CAPN3: variants seen among roughly 807,000 people sequenced by gnomAD.
CAPN3 encodes the protein calpain 3.
A neutral mutation model predicts 114.0 loss-of-function variants in CAPN3; 88 were observed. That is an observed-to-expected ratio of 0.77 (90% CI 0.65 to 0.92). CAPN3 has a LOEUF of 0.92. Ranked by LOEUF, CAPN3 falls within the 40% of genes least tolerant of loss-of-function variation. The probability of loss-of-function intolerance (pLI) is 0.00; values close to 1 mark genes in which losing one functional copy is unlikely to be tolerated. For synonymous variants in CAPN3, 386 were observed against 382.9 expected, an observed-to-expected ratio of 1.01 and a Z score of -0.09; for missense variants, 1,028 against 1,069.0, an observed-to-expected ratio of 0.96 and a Z score of 0.53.
intron 9 of CAPN3, among the ~76,000 whole-genome samples, chr15:42,398,628 C>G (rs1023151024): frequency 7.6e-6 from 1 of 131,972 alleles, no homozygotes; most frequent in African/African-American, 3.7e-5. Context: ...CACACACACA[C>G]ACACACATAT....
rs776496230 is a variant in CAPN3, at chr15:42,402,948, A to G, written c.1691A>G (p.His564Arg). The G allele has an allele frequency of 6.2e-7, 1 of 1,614,122 alleles. No homozygotes were observed. The change falls in exon 13 of 24, where the codon CAC becomes CGC. Residue 564 changes from histidine (H) to arginine (R), a missense_variant. His to Arg is a conservative substitution (Grantham distance 29). Coordinates refer to ENST00000397163, the MANE Select transcript of CAPN3 (RefSeq NM_000070.3). ...YVIVPSTYEPHQEGEFILRVF... is the reference protein window; with the variant it reads ...YVIVPSTYEPRQEGEFILRVF... ...ATCGTGCCCTCCACCTACGAGCCCC[A>G]CCAGGAGGGGGAATTCATCCTCCGG...
At chr15:42,391,130 G>A (rs2053544577) in intron 6 of CAPN3, among the ~76,000 whole-genome samples, 1 of 152,010 alleles carries the variant, frequency 6.6e-6, no homozygotes, top group African/African-American at 2.4e-5. Flanking sequence ...GTATTCTCCT[G>A]TAACATTTTT....
rs559361869 is a variant in CAPN3 at position 42,401,476 on chromosome 15, C to G, written c.1355-165C>G. On this transcript the variant is annotated intron_variant, in intron 10 of 23. Coordinates refer to ENST00000397163, the MANE Select transcript of CAPN3 (RefSeq NM_000070.3). Reference sequence around the variant, plus strand: ...GCTCCATCTGAATAAAGGTAGCGCCCCCCCCCCCCCCAAATCATTAGAGAA... The same window carrying G: ...GCTCCATCTGAATAAAGGTAGCGCCGCCCCCCCCCCCAAATCATTAGAGAA... Among the ~76,000 whole-genome samples, 6,435 of 104,980 alleles carry G rather than the reference C, an allele frequency of 0.061. 699 individuals are homozygous for G. Among genetic ancestry groups the G allele is most frequent in the African/African-American group, 0.2 (5,545 of 28,390 alleles). 68.9% of individuals were successfully genotyped at this position (104,980 alleles called of 152,430 possible). A position where few individuals can be genotyped will look rare whatever the true frequency, so the allele number is the denominator to read the frequency against.
At chr15:42,379,699 C>T (rs76684467) in intron 1 of CAPN3, among the ~76,000 whole-genome samples, 2,227 of 152,306 alleles carry the variant, frequency 0.015, 56 homozygotes, top group African/African-American at 0.051. Flanking sequence ...TAATGCCTCT[C>T]CTTATCTCTG....
At chr15:42,405,969 AGTGT>A in intron 15 of CAPN3, 26 bp downstream of exon 15, 1 of 1,601,806 alleles carries the variant, frequency 6.2e-7, no homozygotes, top group Non-Finnish European at 8.6e-7. Context: ...GAGAGCATGA[AGTGT>A]GTGTACTCAT....
At chr15:42,411,495 GCT>G in intron 23 of CAPN3, 150 bp downstream of exon 23, 1 of 842,436 alleles carries the variant, frequency 1.2e-6, no homozygotes. Context: ...GGCTCAGCAG[GCT>G]CCCAGGACAC....
intron 14 of CAPN3, among the ~76,000 whole-genome samples, chr15:42,405,363 T>G (rs2053988504): frequency 6.6e-6 from 1 of 152,164 alleles, no homozygotes; most frequent in Admixed American, 6.5e-5. Flanking sequence ...CAGGCTGGAG[T>G]GCAATGGCAT....
intron 1 of CAPN3, among the ~76,000 whole-genome samples, chr15:42,369,460 C>G (rs1024669536): frequency 1.3e-5 from 2 of 151,882 alleles, no homozygotes; most frequent in African/African-American, 4.8e-5. Flanking sequence ...CAAAATTGCG[C>G]CACTGCATTC....
At chr15:42,405,969 A>AGT in intron 15 of CAPN3, 26 bp downstream of exon 15, 1 of 1,601,806 alleles carries the variant, frequency 6.2e-7, no homozygotes, top group Non-Finnish European at 8.6e-7. Flanking sequence ...GAGAGCATGA[A>AGT]GTGTGTGTAC....
In CAPN3 at chr15:42,390,003, G is replaced by A; in HGVS notation, c.852G>A (p.Gly284=). 1 of 1,614,088 alleles carries A rather than the reference G, an allele frequency of 6.2e-7. No individual in the cohort carries two copies. Residue 284 remains glycine (G), a synonymous_variant, in exon 6 of 24, where the codon GGG becomes GGA. Transcript: ENST00000397163. ...YGTSPSGLNM[G]ELIARMVRNM... is the part of the protein sequence containing the mutation. ...CCTCTCCTTCTGGTCTGAACATGGG[G>A]GAGTTGATTGCACGGATGGTAAGGA...
At chr15:42,397,009 C>A in intron 9 of CAPN3, 132 bp downstream of exon 9, 1 of 704,874 alleles carries the variant, frequency 1.4e-6, no homozygotes, top group East Asian at 2.7e-5. Context: ...TCCTCCAGCC[C>A]AAGGCCCAGC....
In CAPN3 at chr15:42,410,464, C is replaced by T. The variant is rs1595846976; in HGVS notation, c.2152C>T (p.His718Tyr). The T allele has an allele frequency of 2.5e-6, 4 of 1,614,010 alleles. No homozygotes were observed. The highest frequency in any genetic ancestry group is 1.7e-5 in the Admixed American group (1 of 59,990). Residue 718 changes from histidine to tyrosine, a missense_variant, in exon 20 of 24, where the codon CAC becomes TAC. His to Tyr is a moderately conservative substitution (Grantham distance 83, BLOSUM62 2). Transcript: ENST00000397163. ...TGGAAAGCTCAACCTGCAGGAGTTC[C>T]ACCACCTCTGGAACAAGATTAAGGC... Reference protein sequence around the residue: ...GSGKLNLQEFHHLWNKIKAWQ... With the variant: ...GSGKLNLQEFYHLWNKIKAWQ...
At chr15:42,399,913 T>C (rs1318330334) in intron 10 of CAPN3, among the ~76,000 whole-genome samples, 3 of 152,158 alleles carry the variant, frequency 2.0e-5, no homozygotes, top group African/African-American at 7.2e-5. Flanking sequence ...CCATCCATCT[T>C]TGAAAATACC....
intron 1 of CAPN3, among the ~76,000 whole-genome samples, chr15:42,361,924 C>T (rs1380773914): frequency 1.3e-5 from 2 of 152,240 alleles, no homozygotes; most frequent in Non-Finnish European, 2.9e-5. Context: ...GTGTCACTTC[C>T]TTCAATCTTT....
rs1174655412 is a variant in CAPN3, at chr15:42,388,914, A to T, written c.633-14A>T. ...ACTCTGTGACCCCAAATTGGTCTTC[A>T]TCCTCTCTCTAAGGCTCCATGGTTC... is the stretch of plus-strand genomic sequence containing the variant. On this transcript the variant is annotated splice_polypyrimidine_tract_variant and intron_variant, in intron 4 of 23. Coordinates refer to ENST00000397163, the MANE Select transcript of CAPN3 (RefSeq NM_000070.3). The T allele has an allele frequency of 2.5e-6, 4 of 1,613,558 alleles. No individual in the cohort carries two copies. Among genetic ancestry groups the T allele is most frequent in the Middle Eastern group, 1.8e-4 (1 of 5,678 alleles).
intron 14 of CAPN3, chr15:42,404,905 G>C (rs778427279): frequency 2.0e-6 from 2 of 1,020,062 alleles, no homozygotes; most frequent in African/African-American, 3.4e-5. Flanking sequence ...TCGGTGTGCA[G>C]TATTGATCAG....
intron 5 of CAPN3, 92 bp downstream of exon 5, chr15:42,389,188 A>ACAGAG (rs1164603859): frequency 8.1e-7 from 1 of 1,234,198 alleles, no homozygotes; most frequent in East Asian, 2.3e-5. Context: ...TTTGTGTGGG[A>ACAGAG]CAGAGCGAAT....
At chr15:42,387,702 T>A (rs1311755004) in intron 3 of CAPN3, 51 bp from the exon 4 acceptor site, 1 of 1,612,380 alleles carries the variant, frequency 6.2e-7, no homozygotes, top group Non-Finnish European at 8.5e-7. Context: ...AAGGACACAT[T>A]TCCTAACAGT....
chr15:42,386,291 G>T lies in CAPN3; in HGVS notation c.498+6G>T. On this transcript the variant is annotated splice_donor_region_variant and intron_variant, in intron 3 of 23. Transcript: ENST00000397163. ...CAGGGATCTTCCACTTCCAGGTGAG[G>T]TAATGAGAGTGTAGTTAAGAGGGCC... The T allele has an allele frequency of 6.3e-7, 1 of 1,591,554 alleles. No homozygotes were observed. The highest frequency in any genetic ancestry group is 1.1e-5 in the South Asian group (1 of 90,614).
Sources: gnomAD v4.1 joint callset for allele counts (sites outside exome capture counted in the v4.1 genomes callset) on GRCh38, gnomAD v4.1.1 for gene constraint, MANE v1.5 for transcripts, NCBI Gene and HGNC (gene_info 2026-07-23, HGNC 2026-07-21) for gene names.